Variants in USP54 observed in about 807,000 individuals in gnomAD.
USP54 encodes ubiquitin specific peptidase 54.
A neutral mutation model predicts 170.5 loss-of-function variants in USP54; 87 were observed. The ratio of observed to expected loss-of-function variants is 0.51; its 90% CI spans 0.43 to 0.61. The LOEUF is 0.61. USP54 is among the 20% of genes least tolerant of loss of function. USP54 has a pLI of 0.00. For missense variants in USP54, 1,786 were observed against 2,047.8 expected, an observed-to-expected ratio of 0.87 and a Z score of 2.47; for synonymous variants, 655 against 742.8, an observed-to-expected ratio of 0.88 and a Z score of 1.92.
At chr10:73,578,641 G>A (rs1306658373) in intron 1 of USP54, among the ~76,000 whole-genome samples, 1 of 152,084 alleles carries the variant, frequency 6.6e-6, no homozygotes, top group Non-Finnish European at 1.5e-5. Flanking sequence ...CTGACTTCAG[G>A]TGATCCACCT....
intron 5 of USP54, among the ~76,000 whole-genome samples, chr10:73,544,200 C>T (rs551735760): frequency 1.2e-4 from 19 of 152,312 alleles, no homozygotes; most frequent in African/African-American, 4.6e-4. Context: ...ACCTTGGCTT[C>T]CCAAAGTGCT....
rs2076019081 is a variant in USP54 at position 73,575,637 on chromosome 10, A to C, written c.22T>G (p.Phe8Val). The C allele has an allele frequency of 1.2e-6, 2 of 1,609,244 alleles. No individual in the cohort carries two copies. The highest frequency in any genetic ancestry group is 4.5e-5 in the East Asian group (2 of 44,814). ...TGTACACTACCACGACCCCCTGAAA[A>C]ATAATTTCTCTTCCAAGACATTATT... MSWKRNY[F>V]SGGRGSVQGM... Residue 8 changes from phenylalanine to valine, a missense_variant, in exon 3 of 24, where the codon TTT (phenylalanine) becomes GTT (valine). Phe to Val is a conservative substitution (Grantham distance 50, BLOSUM62 -1). Around this residue, in one of 3 missense-constraint regions of USP54, gnomAD observed 361 missense variants for 455.0 expected, o/e 0.79. Coordinates refer to ENST00000687698, the MANE Select transcript of USP54 (RefSeq NM_001391956.1).
chr10:73,553,846 AGTTTCTTGGATGC>A (rs2070261700), intron 4 of USP54, among the ~76,000 whole-genome samples: 1 of 152,202 alleles, frequency 6.6e-6, no homozygotes, highest in African/African-American at 2.4e-5. Flanking sequence ...TCTGTTAACT[AGTTTCTTGGATGC>A]AGTACAAAAG....
intron 15 of USP54, among the ~76,000 whole-genome samples, chr10:73,527,030 A>T (rs1282686551): frequency 3.3e-5 from 5 of 152,224 alleles, no homozygotes; most frequent in African/African-American, 1.2e-4. Context: ...TGTACTAATG[A>T]ACATATTGGT....
chr10:73,517,835 A>T, intron 19 of USP54, 88 bp from the exon 20 acceptor site: 1 of 1,439,114 alleles, frequency 6.9e-7, no homozygotes, highest in Non-Finnish European at 9.4e-7. Context: ...TCCCATTTCT[A>T]GCTATTCACA....
intron 4 of USP54, chr10:73,553,320 A>G (rs2070059119): frequency 6.6e-6 from 1 of 152,212 alleles, no homozygotes; most frequent in Non-Finnish European, 1.5e-5. Flanking sequence ...TATTGTTGTC[A>G]GTCTTGCTCT....
chr10:73,526,287 G>A (rs555204246), intron 16 of USP54, among the ~76,000 whole-genome samples: 2 of 151,870 alleles, frequency 1.3e-5, no homozygotes, highest in East Asian at 1.9e-4. Flanking sequence ...TCACTCTGTC[G>A]CCCAGGCTGG....
chr10:73,540,353 G>A (rs548455159), intron 9 of USP54, among the ~76,000 whole-genome samples: 4 of 151,134 alleles, frequency 2.6e-5, no homozygotes, highest in South Asian at 4.2e-4. Context: ...GGCAGATCAC[G>A]AGGTCAGGAG....
Position 73,542,875 on chromosome 10 carries a change from G to A in USP54, c.500C>T (p.Thr167Ile). The A allele has an allele frequency of 6.2e-7, 1 of 1,614,120 alleles. No individual in the cohort carries two copies. The highest frequency in any genetic ancestry group is 8.5e-7 in the Non-Finnish European group (1 of 1,180,032). Residue 167 changes from threonine to isoleucine, a missense_variant, in exon 7 of 24, where the codon ACT becomes ATT. Coordinates refer to ENST00000687698, the MANE Select transcript of USP54 (RefSeq NM_001391956.1). ...CGGATCAGAAGTGGCACCACAGCTA[G>A]TACATACACACTGGGCAAAAGAGAA... is the stretch of plus-strand genomic sequence containing the variant. ...AMTLFEQCVCTSCGATSDPLP... is the reference protein window; with the variant it reads ...AMTLFEQCVCISCGATSDPLP...
intron 1 of USP54, among the ~76,000 whole-genome samples, chr10:73,586,813 T>G (rs1156600178): frequency 2.6e-5 from 4 of 152,214 alleles, no homozygotes; most frequent in Non-Finnish European, 5.9e-5. Context: ...CTGGTTATCT[T>G]AAACTCTCCA....
At position 73,538,553 on chromosome 10, in the gene USP54, G is replaced by A. The variant is rs185505750; in HGVS notation, c.975+891C>T. Reference sequence around the variant, plus strand: ...CTTTGGGCCAGGCACTGTGGCTCACGCCTGTAATCCCAACACTTTGGCAGG... The same window carrying A: ...CTTTGGGCCAGGCACTGTGGCTCACACCTGTAATCCCAACACTTTGGCAGG... On this transcript the variant is annotated intron_variant, in intron 10 of 23. Transcript: ENST00000687698. Among the ~76,000 whole-genome samples, 16 of 152,064 alleles carry A rather than the reference G, an allele frequency of 1.1e-4. No individual in the cohort carries two copies. The East Asian group carries it at 2.5e-3, about 24-fold the overall frequency.
chr10:73,536,245 G>A (rs745691027), intron 11 of USP54, 24 bp downstream of exon 11: 3 of 1,612,832 alleles, frequency 1.9e-6, no homozygotes, highest in South Asian at 2.2e-5. Flanking sequence ...GGAGAGAGGA[G>A]AGGTAAAGAG....
Position 73,534,780 on chromosome 10 carries a change from G to A in USP54, c.1145-10C>T, listed in dbSNP as rs1466733572. The A allele has an allele frequency of 2.7e-5, 43 of 1,612,824 alleles. No homozygotes were observed. The highest frequency in any genetic ancestry group is 4.5e-5 in the East Asian group (2 of 44,874). ...ATGGAGGGCTCCCTCCCTGAGAGGAGGAGGAAACACATATGCAAAAAGTGA... is the reference window on the plus strand; with the variant it reads ...ATGGAGGGCTCCCTCCCTGAGAGGAAGAGGAAACACATATGCAAAAAGTGA... On this transcript the variant is annotated splice_polypyrimidine_tract_variant and intron_variant, in intron 11 of 23. Coordinates refer to ENST00000687698, the MANE Select transcript of USP54 (RefSeq NM_001391956.1).
rs2061749192 is a variant in USP54, at chr10:73,520,658, T to C, written c.2482+250A>G. On this transcript the variant is annotated intron_variant, in intron 18 of 23. Transcript: ENST00000687698. ...CTAACTTTATCCTGAAATAAGAAGGTAGGCATGACTGGAGAAATCATCTAT... is the reference window on the plus strand; with the variant it reads ...CTAACTTTATCCTGAAATAAGAAGGCAGGCATGACTGGAGAAATCATCTAT... 3.3e-5 allele frequency among the ~76,000 whole-genome samples: 5 copies of C among 152,178 alleles called. No homozygotes were observed. The South Asian group carries it at 1.0e-3, about 32-fold the overall frequency.
At chr10:73,609,657 A>T (rs1351710364) in intron 1 of USP54, among the ~76,000 whole-genome samples, 1 of 152,120 alleles carries the variant, frequency 6.6e-6, no homozygotes, top group Non-Finnish European at 1.5e-5. Flanking sequence ...CATGCTGGCC[A>T]ACATGGTGAA....
intron 18 of USP54, 128 bp downstream of exon 18, chr10:73,520,780 C>T (rs2061769566): frequency 7.4e-7 from 1 of 1,351,498 alleles, no homozygotes; most frequent in Admixed American, 2.0e-5. Flanking sequence ...GCTAACGCGA[C>T]TCAGTTTGGG....
At position 73,572,628 on chromosome 10, in the gene USP54, T is replaced by A. The variant is rs192890307; in HGVS notation, c.148-1115A>T. On this transcript the variant is annotated intron_variant, in intron 3 of 23. Coordinates refer to ENST00000687698, the MANE Select transcript of USP54 (RefSeq NM_001391956.1). Reference sequence around the variant, plus strand: ...TAACAAATGTAATAGGTTCAACTCATCTGTGGTAAACACAGCTTTGAAACC... The same window carrying A: ...TAACAAATGTAATAGGTTCAACTCAACTGTGGTAAACACAGCTTTGAAACC... 2.3e-3 allele frequency among the ~76,000 whole-genome samples: 354 copies of A among 152,346 alleles called. 3 individuals carry two copies. Among genetic ancestry groups the A allele is most frequent in the African/African-American group, 7.9e-3 (329 of 41,586 alleles).
chr10:73,578,856 T>C (rs2076478535), intron 1 of USP54, among the ~76,000 whole-genome samples: 1 of 151,592 alleles, frequency 6.6e-6, no homozygotes. Flanking sequence ...ATTCAATACA[T>C]CACAGTCCTA....
intron 4 of USP54, chr10:73,553,162 C>G (rs1213119894): frequency 6.6e-6 from 1 of 152,230 alleles, no homozygotes; most frequent in Non-Finnish European, 1.5e-5. Context: ...AACAATAGAT[C>G]TGGCTCCCCA....
Sources: gnomAD v4.1 joint callset for allele counts (sites outside exome capture counted in the v4.1 genomes callset) on GRCh38, gnomAD v4.1.1 for gene constraint, gnomAD v4.1.1 regional missense constraint, MANE v1.5 for transcripts, NCBI Gene and HGNC (gene_info 2026-07-23, HGNC 2026-07-21) for gene names.